Variants in PFN3 observed in about 807,000 individuals in gnomAD.
The protein encoded by PFN3 is profilin-3.
PFN3 carries 7 observed loss-of-function variants against 6.2 expected under a neutral mutation model. That is an observed-to-expected ratio of 1.13 (90% confidence interval 0.64 to 2.13). PFN3 has a LOEUF of 2.13. PFN3 is among the 30% of genes most tolerant of loss of function. The pLI, the probability that PFN3 is intolerant of heterozygous loss-of-function variation, is 0.00. For synonymous variants in PFN3, 112 were observed against 97.7 expected (o/e 1.15, Z -0.87); for missense variants, 251 against 209.3 (o/e 1.20, Z -1.23).
At position 177,400,538 on chromosome 5, in the gene PFN3, C is replaced by CCGCAG; in HGVS notation, c.34_38dup (p.Asp14CysfsTer53). ...TGGCCACGTCGTCGATGCGCTGGTC[C>CCGCAG]CGCAGCACTGCACTGATGTAGACCT... On this transcript the variant is annotated frameshift_variant, in exon 1 of 1. Coordinates refer to ENST00000358571, the MANE Select transcript of PFN3 (RefSeq NM_001029886.3). LOFTEE classifies it high-confidence loss of function. The CCGCAG allele has an allele frequency of 6.3e-7, 1 of 1,597,468 alleles. No homozygotes were observed.
Position 177,400,569 on chromosome 5 carries a change from T to G in PFN3, c.8A>C (p.Asp3Ala), listed in dbSNP as rs1285191192. Residue 3 changes from aspartate to alanine, a missense_variant, in exon 1 of 1, where the codon GAC becomes GCC. Transcript: ENST00000358571. ...CACTGCACTGATGTAGACCTTCCAGTCGCCCATCGCGCTCCGAGTGCGCCC... is the reference window on the plus strand; with the variant it reads ...CACTGCACTGATGTAGACCTTCCAGGCGCCCATCGCGCTCCGAGTGCGCCC... MG[D>A]WKVYISAVLR... 1.3e-6 allele frequency: 2 copies of G among 1,594,520 alleles called. No individual in the cohort carries two copies. Among genetic ancestry groups the G allele is most frequent in the South Asian group, 2.2e-5 (2 of 90,774 alleles).
Position 177,400,160 on chromosome 5 carries a change from C to G in PFN3, c.*3G>C, listed in dbSNP as rs764648738. The G allele has an allele frequency of 5.3e-5, 85 of 1,610,744 alleles. No individual in the cohort carries two copies. The highest frequency in any genetic ancestry group is 7.0e-5 in the Non-Finnish European group (82 of 1,179,096). On this transcript the variant is annotated 3_prime_UTR_variant, in exon 1 of 1. Coordinates refer to ENST00000358571, the MANE Select transcript of PFN3 (RefSeq NM_001029886.3). ...GCTACCAGTGGGCGGCCTGGCTGGC[C>G]GGCTAGGCGCCCTGCATGCGCAGCC...
In PFN3 at chr5:177,400,398, AG is replaced by A. The variant is rs1320780953; in HGVS notation, c.178del (p.Leu60CysfsTer5). 3 of 1,540,448 alleles carry A rather than the reference AG, an allele frequency of 1.9e-6. No individual in the cohort carries two copies. In the African/African-American group the frequency reaches 4.1e-5, roughly 21 times the overall value. On this transcript the variant is annotated frameshift_variant, in exon 1 of 1. Transcript: ENST00000358571. LOFTEE classifies it high-confidence loss of function. The stretch of plus-strand genomic sequence containing the variant: ...GCCCCCCACGCTCAGGCCCGCCTGC[AG>A]GAAGGTGTGCCTGTCCGGCCCCGTG... ...VLTGPDRHTF[L>X]QAGLSVGGRR...
At position 177,400,530 on chromosome 5, in the gene PFN3, C is replaced by A. The variant is rs1209180672; in HGVS notation, c.47G>T (p.Arg16Leu). The A allele has an allele frequency of 1.9e-6, 3 of 1,597,232 alleles. No homozygotes were observed. Among genetic ancestry groups the A allele is most frequent in the Non-Finnish European group, 2.5e-6 (3 of 1,179,158 alleles). The part of the protein sequence containing the change: ...VYISAVLRDQ[R>L]IDDVAIVGHA... ...GCCCACGATGGCCACGTCGTCGATGCGCTGGTCCCGCAGCACTGCACTGAT... is the reference window on the plus strand; with the variant it reads ...GCCCACGATGGCCACGTCGTCGATGAGCTGGTCCCGCAGCACTGCACTGAT... The change falls in exon 1 of 1, where the codon CGC becomes CTC. Residue 16 changes from arginine (R) to leucine (L), a missense_variant. Physicochemically the swap from Arg to Leu is moderately radical, Grantham distance 102. Coordinates refer to ENST00000358571, the MANE Select transcript of PFN3 (RefSeq NM_001029886.3).
At position 177,400,221 on chromosome 5, in the gene PFN3, C is replaced by A. The variant is rs1337292800; in HGVS notation, c.356G>T (p.Gly119Val). The A allele has an allele frequency of 1.9e-6, 3 of 1,611,854 alleles. No homozygotes were observed. The highest frequency in any genetic ancestry group is 2.5e-6 in the Non-Finnish European group (3 of 1,179,488). Residue 119 changes from glycine to valine, a missense_variant, in exon 1 of 1, where the codon GGC (glycine) becomes GTC (valine). Coordinates refer to ENST00000358571, the MANE Select transcript of PFN3 (RefSeq NM_001029886.3). ...VLMGRRGVHG[G>V]ILNKTVHELI... The stretch of plus-strand genomic sequence containing the variant: ...TTCGTGCACCGTCTTGTTGAGGATG[C>A]CCCCATGTACGCCGCGTCGGCCCAT...
chr5:177,400,409 CCTGT>C lies in PFN3; in HGVS notation c.164_167del (p.Asp55GlyfsTer9). ...TCAGGCCCGCCTGCAGGAAGGTGTG[CCTGT>C]CCGGCCCCGTGAGCACGCCCACCTC... On this transcript the variant is annotated frameshift_variant, in exon 1 of 1. Coordinates refer to ENST00000358571, the MANE Select transcript of PFN3 (RefSeq NM_001029886.3). LOFTEE classifies it high-confidence loss of function. 1 of 1,540,060 alleles carries C rather than the reference CCTGT, an allele frequency of 6.5e-7. No individual in the cohort carries two copies. Among genetic ancestry groups the C allele is most frequent in the Non-Finnish European group, 8.7e-7 (1 of 1,146,040 alleles).
In PFN3 at chr5:177,400,604, G is replaced by C. The variant is rs1169695477; in HGVS notation, c.-28C>G. ...CGCTCCGAGTGCGCCCAGCCGCCTC[G>C]CACCTCTCGGGGAAATATAGAGGCG... On this transcript the variant is annotated 5_prime_UTR_variant, in exon 1 of 1. Coordinates refer to ENST00000358571, the MANE Select transcript of PFN3 (RefSeq NM_001029886.3). The C allele has an allele frequency of 6.3e-7, 1 of 1,584,580 alleles. No homozygotes were observed. The highest frequency in any genetic ancestry group is 1.1e-5 in the South Asian group (1 of 89,614).
rs765115922 is a variant in PFN3 at position 177,400,374 on chromosome 5, C to A, written c.203G>T (p.Gly68Val). The A allele has an allele frequency of 4.6e-6, 7 of 1,536,198 alleles. No individual in the cohort carries two copies. The highest frequency in any genetic ancestry group is 2.5e-5 in the East Asian group (1 of 40,094). ...TFLQAGLSVG[G>V]RRCCVIRDHL... The stretch of plus-strand genomic sequence containing the variant: ...GTCGCGGATGACGCAGCAGCGGCGG[C>A]CCCCCACGCTCAGGCCCGCCTGCAG... Residue 68 changes from glycine (G) to valine (V), a missense_variant, in exon 1 of 1, where the codon GGC becomes GTC. Gly to Val is a moderately radical substitution (Grantham distance 109). Transcript: ENST00000358571.
rs529708239 is a variant in PFN3 at position 177,400,526 on chromosome 5, G to C, written c.51C>G (p.Ile17Met). 1 of 1,597,236 alleles carries C rather than the reference G, an allele frequency of 6.3e-7. No homozygotes were observed. Among genetic ancestry groups the C allele is most frequent in the Non-Finnish European group, 8.5e-7 (1 of 1,179,146 alleles). ...CATGGCCCACGATGGCCACGTCGTC[G>C]ATGCGCTGGTCCCGCAGCACTGCAC... ...YISAVLRDQR[I>M]DDVAIVGHAD... Residue 17 changes from isoleucine (I) to methionine (M), a missense_variant, in exon 1 of 1, where the codon ATC becomes ATG. Transcript: ENST00000358571.
rs1763115879 is a variant in PFN3, at chr5:177,400,657, G to T, written c.-81C>A. 4.0e-6 allele frequency: 6 copies of T among 1,501,124 alleles called. No homozygotes were observed. The highest frequency in any genetic ancestry group is 5.3e-6 in the Non-Finnish European group (6 of 1,125,606). 93.0% of individuals were successfully genotyped at this position (1,501,124 alleles called of 1,614,324 possible). On this transcript the variant is annotated 5_prime_UTR_variant, in exon 1 of 1. Coordinates refer to ENST00000358571, the MANE Select transcript of PFN3 (RefSeq NM_001029886.3). ...ACGCGGGGAAGGCCTGCGGCGCTGT[G>T]AGGCAGGCTGGGCGGGGCTGTGACG...
At position 177,400,653 on chromosome 5, in the gene PFN3, CTG is replaced by C; in HGVS notation, c.-79_-78del. ...CGCCACGCGGGGAAGGCCTGCGGCG[CTG>C]TGAGGCAGGCTGGGCGGGGCTGTGA... On this transcript the variant is annotated 5_prime_UTR_variant, in exon 1 of 1. Coordinates refer to ENST00000358571, the MANE Select transcript of PFN3 (RefSeq NM_001029886.3). The C allele has an allele frequency of 6.6e-7, 1 of 1,509,982 alleles. No homozygotes were observed. Among genetic ancestry groups the C allele is most frequent in the Non-Finnish European group, 8.8e-7 (1 of 1,131,128 alleles). The allele number at this position is 1,509,982 out of a possible 1,614,324, so 93.5% of individuals were successfully genotyped here.
chr5:177,400,207 T>C lies in PFN3; in HGVS notation c.370A>G (p.Thr124Ala), dbSNP rs757083430. Residue 124 changes from threonine to alanine, a missense_variant, in exon 1 of 1, where the codon ACG (threonine) becomes GCG (alanine). Thr to Ala is a moderately conservative substitution (Grantham distance 58). Coordinates refer to ENST00000358571, the MANE Select transcript of PFN3 (RefSeq NM_001029886.3). ...AGCCCGCGTATGAGTTCGTGCACCG[T>C]CTTGTTGAGGATGCCCCCATGTACG... ...RGVHGGILNKTVHELIRGLRM... is the reference protein window; with the variant it reads ...RGVHGGILNKAVHELIRGLRM... 1 of 1,612,030 alleles carries C rather than the reference T, an allele frequency of 6.2e-7. No individual in the cohort carries two copies. Among genetic ancestry groups the C allele is most frequent in the Non-Finnish European group, 8.5e-7 (1 of 1,179,594 alleles).
Position 177,400,295 on chromosome 5 carries a change from G to T in PFN3, c.282C>A (p.Asp94Glu). Residue 94 changes from aspartate (D) to glutamate (E), a missense_variant, in exon 1 of 1, where the codon GAC becomes GAA. Asp to Glu is a conservative substitution (Grantham distance 45). Coordinates refer to ENST00000358571, the MANE Select transcript of PFN3 (RefSeq NM_001029886.3). ...GVLDARTKGL[D>E]ARAVCVGRAP... ...CACGGCCCACGCACACGGCGCGCGC[G>T]TCCAGCCCCTTGGTGCGTGCGTCCA... The T allele has an allele frequency of 1.3e-6, 2 of 1,588,292 alleles. No individual in the cohort carries two copies. Among genetic ancestry groups the T allele is most frequent in the East Asian group, 2.3e-5 (1 of 43,042 alleles).
rs374409343 is a variant in PFN3 at position 177,400,418 on chromosome 5, C to G, written c.159G>C (p.Gly53=). ...CCTGCAGGAAGGTGTGCCTGTCCGG[C>G]CCCGTGAGCACGCCCACCTCCTGCG... ...ISPQEVGVLT[G]PDRHTFLQAG... is the part of the protein sequence containing the mutation. Residue 53 remains glycine, a synonymous_variant, in exon 1 of 1, where the codon GGG becomes GGC. Transcript: ENST00000358571. 1.3e-6 allele frequency: 2 copies of G among 1,541,728 alleles called. No homozygotes were observed. The highest frequency in any genetic ancestry group is 1.7e-6 in the Non-Finnish European group (2 of 1,147,756).
Position 177,400,280 on chromosome 5 carries a change from G to C in PFN3, c.297C>G (p.Cys99Trp). 6.3e-7 allele frequency: 1 copy of C among 1,599,728 alleles called. No individual in the cohort carries two copies. Among genetic ancestry groups the C allele is most frequent in the Middle Eastern group, 1.7e-4 (1 of 6,038 alleles). The change falls in exon 1 of 1, where the codon TGC becomes TGG. Residue 99 changes from cysteine (C) to tryptophan (W), a missense_variant. Cys to Trp is a radical substitution (Grantham distance 215). Coordinates refer to ENST00000358571, the MANE Select transcript of PFN3 (RefSeq NM_001029886.3). ...GGAGCGCGCGCGGCGCACGGCCCAC[G>C]CACACGGCGCGCGCGTCCAGCCCCT... ...RTKGLDARAV[C>W]VGRAPRALLV... is the part of the protein sequence containing the mutation.
chr5:177,400,355 G>C lies in PFN3; in HGVS notation c.222C>G (p.Ile74Met). ...LSVGGRRCCV[I>M]RDHLLAEGDG... ...CACCCTCGGCCAGCAGGTGGTCGCG[G>C]ATGACGCAGCAGCGGCGGCCCCCCA... is the stretch of plus-strand genomic sequence containing the variant. Residue 74 changes from isoleucine to methionine, a missense_variant, in exon 1 of 1, where the codon ATC becomes ATG. Physicochemically the swap from Ile to Met is conservative, Grantham distance 10 (BLOSUM62 1). Transcript: ENST00000358571. 1 of 1,535,206 alleles carries C rather than the reference G, an allele frequency of 6.5e-7. No individual in the cohort carries two copies. The highest frequency in any genetic ancestry group is 1.2e-5 in the South Asian group (1 of 82,572).
Position 177,400,261 on chromosome 5 carries a change from C to T in PFN3, c.316G>A (p.Ala106Thr). 7 of 1,608,956 alleles carry T rather than the reference C, an allele frequency of 4.4e-6. No individual in the cohort carries two copies. Among genetic ancestry groups the T allele is most frequent in the South Asian group, 1.1e-5 (1 of 90,802 alleles). Residue 106 changes from alanine (A) to threonine (T), a missense_variant, in exon 1 of 1, where the codon GCG becomes ACG. By Grantham distance (58) the Ala-to-Thr change is moderately conservative. Coordinates refer to ENST00000358571, the MANE Select transcript of PFN3 (RefSeq NM_001029886.3). ...RAVCVGRAPR[A>T]LLVLMGRRGV... ...CGTCGGCCCATTAGCACCAGGAGCG[C>T]GCGCGGCGCACGGCCCACGCACACG...
chr5:177,400,268 C>T lies in PFN3; in HGVS notation c.309G>A (p.Ala103=). The change falls in exon 1 of 1, where the codon GCG becomes GCA. Residue 103 remains alanine, a synonymous_variant. Transcript: ENST00000358571. ...LDARAVCVGR[A]PRALLVLMGR... The stretch of plus-strand genomic sequence containing the variant: ...CCATTAGCACCAGGAGCGCGCGCGG[C>T]GCACGGCCCACGCACACGGCGCGCG... 1 of 1,606,754 alleles carries T rather than the reference C, an allele frequency of 6.2e-7. No homozygotes were observed. Among genetic ancestry groups the T allele is most frequent in the Non-Finnish European group, 8.5e-7 (1 of 1,177,180 alleles).
chr5:177,400,269 G>GCACGGCC lies in PFN3; in HGVS notation c.301_307dup (p.Ala103GlyfsTer52), dbSNP rs1255087577. On this transcript the variant is annotated frameshift_variant, in exon 1 of 1. Transcript: ENST00000358571. LOFTEE classifies it high-confidence loss of function. ...CATTAGCACCAGGAGCGCGCGCGGC[G>GCACGGCC]CACGGCCCACGCACACGGCGCGCGC... 1 of 1,606,330 alleles carries GCACGGCC rather than the reference G, an allele frequency of 6.2e-7. No homozygotes were observed. The highest frequency in any genetic ancestry group is 8.5e-7 in the Non-Finnish European group (1 of 1,177,014).
Sources: gnomAD v4.1 joint callset for allele counts on GRCh38, gnomAD v4.1.1 for gene constraint, MANE v1.5 for transcripts, NCBI Gene and HGNC (gene_info 2026-07-23, HGNC 2026-07-21) for gene names.